Variants in AZGP1 observed in about 807,000 individuals in gnomAD.
AZGP1 encodes zinc-alpha-2-glycoprotein.
In AZGP1, 28 loss-of-function variants were observed where a neutral mutation model predicts 31.5. The observed-to-expected ratio is 0.89, with a 90% CI of 0.66 to 1.22. AZGP1 has a LOEUF of 1.22. AZGP1 is among the 50% of genes most tolerant of loss of function. The probability of loss-of-function intolerance (pLI) is 0.00; values close to 1 mark genes in which losing one functional copy is unlikely to be tolerated. For missense variants in AZGP1, 361 were observed against 371.8 expected, an observed-to-expected ratio of 0.97 and a Z score of 0.24; for synonymous variants, 135 against 145.4, an observed-to-expected ratio of 0.93 and a Z score of 0.51.
chr7:99,973,852 G>A (rs1336736634), intron 1 of AZGP1, among the ~76,000 whole-genome samples: 2 of 150,592 alleles, frequency 1.3e-5, no homozygotes, highest in Non-Finnish European at 2.9e-5. Context: ...GGAGGCAGAG[G>A]TTGCAGTGAG....
intron 1 of AZGP1, among the ~76,000 whole-genome samples, chr7:99,974,000 T>C (rs954031435): frequency 7.9e-5 from 12 of 151,610 alleles, no homozygotes; most frequent in African/African-American, 2.9e-4. Flanking sequence ...GGGCCAGGTG[T>C]GGTGGCTCGT....
chr7:99,970,031 C>T (rs1217178105), intron 2 of AZGP1, among the ~76,000 whole-genome samples: 1 of 152,106 alleles, frequency 6.6e-6, no homozygotes, highest in Non-Finnish European at 1.5e-5. Context: ...GGGCTCACGT[C>T]CCAGGTCTCT....
chr7:99,969,789 A>C (rs1789549387), intron 2 of AZGP1, among the ~76,000 whole-genome samples: 1 of 152,170 alleles, frequency 6.6e-6, no homozygotes, highest in African/African-American at 2.4e-5. Flanking sequence ...GGAAGAGTTC[A>C]TATCATCACC....
chr7:99,968,506 C>T (rs1025336602), intron 2 of AZGP1, 76 bp from the exon 3 acceptor site: 13 of 1,550,654 alleles, frequency 8.4e-6, no homozygotes, highest in South Asian at 3.5e-5. Flanking sequence ...TAGTCTTGCA[C>T]ATTGGGCAAC....
At position 99,967,155 on chromosome 7, in the gene AZGP1, C is replaced by T; in HGVS notation, c.745G>A (p.Glu249Lys). ...TTGTGAAGAACATCTCCCCGTAACT[C>T]AGGCTCCTGCACCTCGCCGGCCCGA... ...WTRAGEVQEP[E>K]LRGDVLHNGN... The change falls in exon 4 of 4, where the codon GAG (glutamate) becomes AAG (lysine). Residue 249 changes from glutamate (E) to lysine (K), a missense_variant. By Grantham distance (56) the Glu-to-Lys change is moderately conservative. Coordinates refer to ENST00000292401, the MANE Select transcript of AZGP1 (RefSeq NM_001185.4). 1 of 1,614,208 alleles carries T rather than the reference C, an allele frequency of 6.2e-7. No individual in the cohort carries two copies. Among genetic ancestry groups the T allele is most frequent in the Non-Finnish European group, 8.5e-7 (1 of 1,180,036 alleles).
intron 2 of AZGP1, among the ~76,000 whole-genome samples, chr7:99,969,226 T>C (rs1789542371): frequency 6.6e-6 from 1 of 151,432 alleles, no homozygotes; most frequent in South Asian, 2.1e-4. Flanking sequence ...CTGGCCAACA[T>C]GGTAAGACCT....
chr7:99,968,076 T>C (rs770624329), intron 3 of AZGP1, 79 bp downstream of exon 3: 45 of 1,557,024 alleles, frequency 2.9e-5, no homozygotes, highest in Non-Finnish European at 3.2e-5. Context: ...GAGACCGGAC[T>C]AAGATGTTGC....
rs767932765 is a variant in AZGP1 at position 99,976,001 on chromosome 7, A to T, written c.20T>A (p.Val7Asp). MVRMVP[V>D]LLSLLLLLGP... The stretch of plus-strand genomic sequence containing the variant: ...CAGAAGCAGCAGCAGAGACAGCAGG[A>T]CAGGCACCATTCTTACCATTGTGTC... The change falls in exon 1 of 4, where the codon GTC becomes GAC. Residue 7 changes from valine (V) to aspartate (D), a missense_variant. Transcript: ENST00000292401. 6.2e-7 allele frequency: 1 copy of T among 1,614,096 alleles called. No individual in the cohort carries two copies. Among genetic ancestry groups the T allele is most frequent in the South Asian group, 1.1e-5 (1 of 91,082 alleles).
At chr7:99,968,001 T>A in intron 3 of AZGP1, 154 bp downstream of exon 3, 1 of 1,068,826 alleles carries the variant, frequency 9.4e-7, no homozygotes, top group Non-Finnish European at 1.4e-6. Flanking sequence ...AATTATATTA[T>A]CCCAGGGAAG....
chr7:99,967,051 C>T lies in AZGP1; in HGVS notation c.849G>A (p.Gln283=). 3.1e-6 allele frequency: 5 copies of T among 1,614,200 alleles called. No homozygotes were observed. The highest frequency in any genetic ancestry group is 1.3e-5 in the African/African-American group (1 of 75,046). ...CGAGGGGCTGGGCCAGGCTGCTGTGCTGCACGTGGCAGGAGTAGGGGGCTG... is the reference window on the plus strand; with the variant it reads ...CGAGGGGCTGGGCCAGGCTGCTGTGTTGCACGTGGCAGGAGTAGGGGGCTG... ...QDTAPYSCHV[Q]HSSLAQPLVV... is the part of the protein sequence containing the mutation. The change falls in exon 4 of 4, where the codon CAG becomes CAA. Residue 283 remains glutamine, a synonymous_variant. Transcript: ENST00000292401.
chr7:99,970,929 C>T (rs1322492319), intron 2 of AZGP1, among the ~76,000 whole-genome samples: 1 of 152,182 alleles, frequency 6.6e-6, no homozygotes, highest in Non-Finnish European at 1.5e-5. Context: ...GAGCACTGGG[C>T]CGGGGGCACA....
In AZGP1 at chr7:99,970,541, C is replaced by T. The variant is rs537523269; in HGVS notation, c.337+1205G>A. ...TACAAGAGTGAGCCACCAAGCCCTGCCTTCTATTATTTTCTAATACCCTGT... is the reference window on the plus strand; with the variant it reads ...TACAAGAGTGAGCCACCAAGCCCTGTCTTCTATTATTTTCTAATACCCTGT... On this transcript the variant is annotated intron_variant, in intron 2 of 3. Transcript: ENST00000292401. Among the ~76,000 whole-genome samples the T allele has an allele frequency of 7.9e-5, 12 of 152,182 alleles. No individual in the cohort carries two copies. In the South Asian group the frequency reaches 2.5e-3, roughly 32 times the overall value.
chr7:99,975,846 G>A, intron 1 of AZGP1, 99 bp downstream of exon 1: 1 of 1,333,242 alleles, frequency 7.5e-7, no homozygotes, highest in Non-Finnish European at 1.1e-6. Context: ...CGTATGCCAG[G>A]GTATCCCAGC....
chr7:99,967,148 C>T lies in AZGP1; in HGVS notation c.752G>A (p.Arg251Gln), dbSNP rs751369711. Residue 251 changes from arginine to glutamine, a missense_variant, in exon 4 of 4, where the codon CGG becomes CAG. Arg to Gln is a conservative substitution (Grantham distance 43). Coordinates refer to ENST00000292401, the MANE Select transcript of AZGP1 (RefSeq NM_001185.4). The part of the protein sequence containing the change: ...RAGEVQEPEL[R>Q]GDVLHNGNGT... The stretch of plus-strand genomic sequence containing the variant: ...ATTTCCATTGTGAAGAACATCTCCC[C>T]GTAACTCAGGCTCCTGCACCTCGCC... 28 of 1,614,178 alleles carry T rather than the reference C, an allele frequency of 1.7e-5. No homozygotes were observed. The highest frequency in any genetic ancestry group is 2.7e-5 in the African/African-American group (2 of 75,030).
Position 99,966,869 on chromosome 7 carries a change from C to G in AZGP1, c.*134G>C. 2 of 1,340,244 alleles carry G rather than the reference C, an allele frequency of 1.5e-6. No homozygotes were observed. Among genetic ancestry groups the G allele is most frequent in the Non-Finnish European group, 2.0e-6 (2 of 983,376 alleles). The allele number at this position is 1,340,244 out of a possible 1,614,324, so 83.0% of individuals were successfully genotyped here. On this transcript the variant is annotated 3_prime_UTR_variant, in exon 4 of 4. Coordinates refer to ENST00000292401, the MANE Select transcript of AZGP1 (RefSeq NM_001185.4). ...CAGTCTTCGGTCTCCAAATCCACCTCCTGTCTGTCCCCCCACACTGCTCCT... is the reference window on the plus strand; with the variant it reads ...CAGTCTTCGGTCTCCAAATCCACCTGCTGTCTGTCCCCCCACACTGCTCCT...
intron 1 of AZGP1, among the ~76,000 whole-genome samples, chr7:99,975,723 G>T (rs1401416484): frequency 2.6e-5 from 4 of 152,156 alleles, no homozygotes; most frequent in Non-Finnish European, 5.9e-5. Context: ...TAAACTAGGG[G>T]TTTTAGATTC....
intron 3 of AZGP1, chr7:99,967,532 C>A (rs1370882518): frequency 7.1e-6 from 4 of 560,752 alleles, no homozygotes; most frequent in Non-Finnish European, 1.3e-5. Flanking sequence ...GTGTGCTTCT[C>A]CATGTTTTCC....
chr7:99,971,356 G>T (rs1562798287), intron 2 of AZGP1, among the ~76,000 whole-genome samples: 1 of 152,212 alleles, frequency 6.6e-6, no homozygotes, highest in Non-Finnish European at 1.5e-5. Flanking sequence ...ACCACCAGGT[G>T]AGCCCAGGTC....
Position 99,967,336 on chromosome 7 carries a change from G to A in AZGP1, c.614-50C>T, listed in dbSNP as rs772061338. Reference sequence around the variant, plus strand: ...TGCAGGCTTGAGGTGGACTTCTCCCGGCCCAGGTCTCTTCCTACCCCCACC... The same window carrying A: ...TGCAGGCTTGAGGTGGACTTCTCCCAGCCCAGGTCTCTTCCTACCCCCACC... On this transcript the variant is annotated intron_variant, in intron 3 of 3. Coordinates refer to ENST00000292401, the MANE Select transcript of AZGP1 (RefSeq NM_001185.4). 2.4e-5 allele frequency: 38 copies of A among 1,575,626 alleles called. No homozygotes were observed. The Admixed American group carries it at 2.8e-4, about 11-fold the overall frequency.
Sources: allele counts gnomAD v4.1 joint callset (sites outside exome capture counted in the v4.1 genomes callset), GRCh38; gene constraint gnomAD v4.1.1; transcripts MANE v1.5; gene names NCBI Gene and HGNC (gene_info 2026-07-23, HGNC 2026-07-21).